ATP6V1H: variants seen among roughly 807,000 people sequenced by gnomAD.
The protein encoded by ATP6V1H is V-type proton ATPase subunit H.
Under a neutral mutation model 71.7 loss-of-function variants are expected in ATP6V1H, and 39 were observed. The ratio of observed to expected loss-of-function variants is 0.54; its 90% CI spans 0.42 to 0.71. The LOEUF (loss-of-function observed/expected upper bound fraction) is 0.71, where lower values mean the gene tolerates loss of function less well. Ranked by LOEUF, ATP6V1H falls within the 30% of genes least tolerant of loss-of-function variation. The pLI, the probability that ATP6V1H is intolerant of heterozygous loss-of-function variation, is 0.00. For synonymous variants in ATP6V1H, 192 were observed against 199.3 expected (o/e 0.96, Z 0.31); for missense variants, 509 against 594.9 (o/e 0.86, Z 1.50).
intron 3 of ATP6V1H, among the ~76,000 whole-genome samples, chr8:53,830,082 A>G (rs1292988269): frequency 6.6e-6 from 1 of 152,224 alleles, no homozygotes; most frequent in East Asian, 1.9e-4. Flanking sequence ...CCTTCAGCCA[A>G]TGAGGCCCCC....
chr8:53,787,442 C>T (rs1306789631), intron 9 of ATP6V1H, among the ~76,000 whole-genome samples: 1 of 152,198 alleles, frequency 6.6e-6, no homozygotes, highest in African/African-American at 2.4e-5. Flanking sequence ...AATGCATGTA[C>T]ATGCGTGTGC....
intron 9 of ATP6V1H, among the ~76,000 whole-genome samples, chr8:53,781,164 A>G (rs1157122236): frequency 6.6e-6 from 1 of 152,206 alleles, no homozygotes; most frequent in Non-Finnish European, 1.5e-5. Flanking sequence ...CCAACAGTGT[A>G]AAAGTGTTCC....
At chr8:53,801,958 C>A in intron 7 of ATP6V1H, 62 bp from the exon 8 acceptor site, 2 of 1,426,208 alleles carry the variant, frequency 1.4e-6, no homozygotes, top group South Asian at 1.2e-5. Context: ...CGATCAGACA[C>A]ACATTTCTAA....
At chr8:53,829,777 G>C (rs1193119898) in intron 3 of ATP6V1H, among the ~76,000 whole-genome samples, 2 of 152,164 alleles carry the variant, frequency 1.3e-5, no homozygotes, top group Non-Finnish European at 1.5e-5. Flanking sequence ...TTTTTAAATA[G>C]ATATACTTAG....
intron 13 of ATP6V1H, among the ~76,000 whole-genome samples, chr8:53,737,002 A>G (rs1807234423): frequency 1.3e-5 from 2 of 152,152 alleles, no homozygotes; most frequent in Admixed American, 6.5e-5. Context: ...TTCTGTCTTG[A>G]TTACTGATGC....
rs143648235 is a variant in ATP6V1H at position 53,839,867 on chromosome 8, T to G, written c.113+1711A>C. 249 of 985,526 alleles carry G rather than the reference T, an allele frequency of 2.5e-4. 1 individual carries two copies. In the African/African-American group the frequency reaches 3.7e-3, roughly 15 times the overall value. The allele number at this position is 985,526 out of a possible 1,614,324, so 61.0% of individuals were successfully genotyped here. On this transcript the variant is annotated intron_variant, in intron 2 of 13. Coordinates refer to ENST00000359530, the MANE Select transcript of ATP6V1H (RefSeq NM_015941.4). ...AATCAGCTTGAAAAGCACTGACTGA[T>G]AGGATCAAGTCCAAACTCCTTCCAA...
intron 7 of ATP6V1H, chr8:53,806,942 G>A (rs1269493800): frequency 6.9e-6 from 3 of 434,614 alleles, no homozygotes; most frequent in Non-Finnish European, 1.4e-5. Context: ...CAACTGTAAA[G>A]TTGAAAAATC....
At chr8:53,830,033 A>G (rs1228145856) in intron 3 of ATP6V1H, among the ~76,000 whole-genome samples, 1 of 152,148 alleles carries the variant, frequency 6.6e-6, no homozygotes, top group Non-Finnish European at 1.5e-5. Flanking sequence ...CAACTTCCCC[A>G]TGACTGTTGT....
chr8:53,755,384 C>CGTA (rs1285215506), intron 12 of ATP6V1H, among the ~76,000 whole-genome samples: 1 of 151,368 alleles, frequency 6.6e-6, no homozygotes, highest in Non-Finnish European at 1.5e-5. Flanking sequence ...AAGGGACAAG[C>CGTA]GTACTTCTGC....
intron 6 of ATP6V1H, among the ~76,000 whole-genome samples, chr8:53,813,427 A>C (rs914768055): frequency 6.6e-6 from 1 of 152,236 alleles, no homozygotes; most frequent in African/African-American, 2.4e-5. Context: ...CTGAAATCTA[A>C]ATGGCAACTT....
At chr8:53,730,399 T>C (rs1563439204) in intron 13 of ATP6V1H, among the ~76,000 whole-genome samples, 1 of 152,258 alleles carries the variant, frequency 6.6e-6, no homozygotes, top group Non-Finnish European at 1.5e-5. Context: ...CTGATGGATC[T>C]TCTAGTGGCT....
chr8:53,762,444 G>A (rs1490230913), intron 11 of ATP6V1H, among the ~76,000 whole-genome samples: 2 of 151,858 alleles, frequency 1.3e-5, no homozygotes, highest in African/African-American at 2.4e-5. Context: ...AATCCCAATC[G>A]AAATACCCGT....
intron 9 of ATP6V1H, among the ~76,000 whole-genome samples, chr8:53,781,489 T>G (rs1809130188): frequency 6.6e-6 from 1 of 152,208 alleles, no homozygotes; most frequent in Non-Finnish European, 1.5e-5. Flanking sequence ...ATTCTGTGGG[T>G]TGCCTGTTCA....
At chr8:53,828,999 G>A (rs550274977) in intron 4 of ATP6V1H, among the ~76,000 whole-genome samples, 38 of 152,188 alleles carry the variant, frequency 2.5e-4, no homozygotes, top group Non-Finnish European at 4.6e-4. Context: ...AACTGGAAAC[G>A]TTTTCGATGA....
chr8:53,775,540 G>C (rs1350858058), intron 9 of ATP6V1H, among the ~76,000 whole-genome samples: 2 of 152,160 alleles, frequency 1.3e-5, no homozygotes, highest in African/African-American at 4.8e-5. Flanking sequence ...GTTAGATACA[G>C]AGTTTGGACA....
intron 11 of ATP6V1H, among the ~76,000 whole-genome samples, chr8:53,765,494 CACACACAA>C (rs1808427181): frequency 8.5e-6 from 1 of 117,822 alleles, no homozygotes; most frequent in African/African-American, 2.9e-5. Flanking sequence ...CACACACACA[CACACACAA>C]GACCATCAGC....
chr8:53,812,310 C>T (rs1370206524), intron 6 of ATP6V1H, among the ~76,000 whole-genome samples: 1 of 152,174 alleles, frequency 6.6e-6, no homozygotes, highest in African/African-American at 2.4e-5. Context: ...TAAAGCCAAA[C>T]ACTCTGTGAT....
At chr8:53,780,976 T>A (rs1319787467) in intron 9 of ATP6V1H, among the ~76,000 whole-genome samples, 2 of 152,218 alleles carry the variant, frequency 1.3e-5, no homozygotes, top group African/African-American at 4.8e-5. Flanking sequence ...GTCTTTGCTA[T>A]TGTGAATAGA....
intron 2 of ATP6V1H, among the ~76,000 whole-genome samples, chr8:53,840,988 A>G (rs1811325315): frequency 6.6e-6 from 1 of 152,236 alleles, no homozygotes. Flanking sequence ...TGTATTCAAC[A>G]TACTAATGCT....
Sources: gnomAD v4.1 joint callset for allele counts (sites outside exome capture counted in the v4.1 genomes callset) on GRCh38, gnomAD v4.1.1 for gene constraint, MANE v1.5 for transcripts, NCBI Gene and HGNC (gene_info 2026-07-23, HGNC 2026-07-21) for gene names.